The following AUTS2 variants were observed in gnomAD, a reference collection of about 807,000 sequenced individuals.
The protein encoded by AUTS2 is activator of transcription and developmental regulator AUTS2.
In AUTS2, 17 loss-of-function variants were observed where a neutral mutation model predicts 112.4. The observed-to-expected ratio is 0.15, with a 90% CI of 0.10 to 0.23. The LOEUF (loss-of-function observed/expected upper bound fraction) is 0.23, where lower values mean the gene tolerates loss of function less well. Among genes scored for constraint, AUTS2 ranks in the 10% least tolerant of loss-of-function variants. AUTS2 has a pLI of 1.00. For synonymous variants in AUTS2, 751 were observed against 702.7 expected, an observed-to-expected ratio of 1.07 and a Z score of -1.09; for missense variants, 1,510 against 1,701.6, an observed-to-expected ratio of 0.89 and a Z score of 1.98.
chr7:69,735,734 C>G (rs558571012), intron 1 of AUTS2, among the ~76,000 whole-genome samples: 26 of 152,276 alleles, frequency 1.7e-4, no homozygotes, highest in Admixed American at 1.4e-3. Context: ...CGCACAGCCC[C>G]CTGACAAGGA....
chr7:70,324,428 C>G (rs1167858251), intron 4 of AUTS2, among the ~76,000 whole-genome samples: 2 of 152,034 alleles, frequency 1.3e-5, no homozygotes, highest in African/African-American at 4.8e-5. Flanking sequence ...TCAAGACCAG[C>G]CTGGGCAACA....
chr7:69,931,143 ACAC>A (rs1796212486), intron 2 of AUTS2, among the ~76,000 whole-genome samples: 2 of 133,128 alleles, frequency 1.5e-5, no homozygotes, highest in South Asian at 4.8e-4. Context: ...ACACACACAC[ACAC>A]ACTACTTTTT....
rs1226671774 is a variant in AUTS2 at position 69,774,105 on chromosome 7, A to C, written c.310-125181A>C. On this transcript the variant is annotated intron_variant, in intron 1 of 18. Transcript: ENST00000342771. ...CCCCATGCTACATGTCAACAGGGGTACTGCCTGCTAAGCAAAGATGTCCAG... is the reference window on the plus strand; with the variant it reads ...CCCCATGCTACATGTCAACAGGGGTCCTGCCTGCTAAGCAAAGATGTCCAG... 2.0e-5 allele frequency among the ~76,000 whole-genome samples: 3 copies of C among 152,342 alleles called. No individual in the cohort carries two copies. The South Asian group carries it at 6.2e-4, about 32-fold the overall frequency.
intron 2 of AUTS2, among the ~76,000 whole-genome samples, chr7:70,001,552 T>G (rs893524444): frequency 2.6e-5 from 4 of 152,122 alleles, no homozygotes; most frequent in Non-Finnish European, 4.4e-5. Flanking sequence ...GTGACCTCTC[T>G]GTAAAGGAAA....
chr7:70,782,984 C>T (rs1791190423), intron 15 of AUTS2: 1 of 152,064 alleles, frequency 6.6e-6, no homozygotes, highest in Non-Finnish European at 1.5e-5. Context: ...TACCATGGCA[C>T]CTAGGCTCTG....
At chr7:70,509,595 G>T (rs1284535903) in intron 5 of AUTS2, among the ~76,000 whole-genome samples, 1 of 152,148 alleles carries the variant, frequency 6.6e-6, no homozygotes, top group Non-Finnish European at 1.5e-5. Flanking sequence ...CTGGCCCACG[G>T]TATAAGCCTA....
intron 4 of AUTS2, among the ~76,000 whole-genome samples, chr7:70,142,019 G>A (rs1318898701): frequency 6.6e-6 from 1 of 152,118 alleles, no homozygotes; most frequent in Non-Finnish European, 1.5e-5. Context: ...AAGATCAATT[G>A]GTGTTTCCAG....
At chr7:70,123,460 A>G (rs755041448) in intron 3 of AUTS2, among the ~76,000 whole-genome samples, 20 of 152,240 alleles carry the variant, frequency 1.3e-4, no homozygotes, top group Admixed American at 3.9e-4. Flanking sequence ...ATCACCCAGT[A>G]GTACCCAATA....
intron 4 of AUTS2, among the ~76,000 whole-genome samples, chr7:70,389,614 C>T (rs1194608667): frequency 3.3e-5 from 5 of 152,132 alleles, no homozygotes; most frequent in African/African-American, 1.2e-4. Flanking sequence ...GAACTCAGAA[C>T]CAAATCTGCC....
At chr7:69,939,743 A>G (rs545475904) in intron 2 of AUTS2, among the ~76,000 whole-genome samples, 3 of 152,210 alleles carry the variant, frequency 2.0e-5, no homozygotes, top group Non-Finnish European at 4.4e-5. Flanking sequence ...CTCTGGGTGC[A>G]TCCTCCTTAT....
At chr7:70,016,889 A>G (rs923294063) in intron 2 of AUTS2, among the ~76,000 whole-genome samples, 2 of 152,126 alleles carry the variant, frequency 1.3e-5, no homozygotes, top group Non-Finnish European at 2.9e-5. Flanking sequence ...GCTGGTCTCG[A>G]ACTCCTGACC....
At chr7:70,453,668 C>T (rs920151752) in intron 5 of AUTS2, among the ~76,000 whole-genome samples, 1 of 152,204 alleles carries the variant, frequency 6.6e-6, no homozygotes, top group Non-Finnish European at 1.5e-5. Flanking sequence ...CTGGTTGCCA[C>T]CAGCATTCCT....
intron 5 of AUTS2, among the ~76,000 whole-genome samples, chr7:70,605,286 A>G (rs973077712): frequency 6.6e-6 from 1 of 152,154 alleles, no homozygotes; most frequent in Non-Finnish European, 1.5e-5. Context: ...CTGGTTTTTG[A>G]CGTTGGCTAA....
chr7:70,183,281 G>A (rs2129581173), intron 4 of AUTS2, among the ~76,000 whole-genome samples: 1 of 152,296 alleles, frequency 6.6e-6, no homozygotes, highest in African/African-American at 2.4e-5. Flanking sequence ...TGGGATTGGA[G>A]GCTGGGCTTG....
intron 5 of AUTS2, among the ~76,000 whole-genome samples, chr7:70,572,385 A>C (rs1801980273): frequency 7.1e-6 from 1 of 140,394 alleles, no homozygotes; most frequent in South Asian, 2.5e-4. Context: ...TTGAAATGGC[A>C]GGAATCATAA....
chr7:69,856,026 G>A (rs1279989756), intron 1 of AUTS2, among the ~76,000 whole-genome samples: 1 of 152,162 alleles, frequency 6.6e-6, no homozygotes, highest in East Asian at 1.9e-4. Flanking sequence ...TCTTCTGAGT[G>A]GATGGAATAA....
intron 1 of AUTS2, among the ~76,000 whole-genome samples, chr7:69,835,297 A>G (rs1213439508): frequency 2.6e-5 from 4 of 152,148 alleles, no homozygotes; most frequent in Admixed American, 1.3e-4. Context: ...AACCCAGGAC[A>G]TAAGAGATAC....
chr7:70,211,521 C>A (rs1810892721), intron 4 of AUTS2, among the ~76,000 whole-genome samples: 1 of 151,008 alleles, frequency 6.6e-6, no homozygotes, highest in Non-Finnish European at 1.5e-5. Flanking sequence ...TGGTGGTGGG[C>A]GCCTGTAGTC....
At chr7:70,573,148 A>C (rs1802020610) in intron 5 of AUTS2, among the ~76,000 whole-genome samples, 1 of 152,220 alleles carries the variant, frequency 6.6e-6, no homozygotes. Flanking sequence ...CCTTAGGCCT[A>C]TTGATAGATT....
Sources: allele counts gnomAD v4.1 joint callset (sites outside exome capture counted in the v4.1 genomes callset), GRCh38; gene constraint gnomAD v4.1.1; transcripts MANE v1.5; gene names NCBI Gene and HGNC (gene_info 2026-07-23, HGNC 2026-07-21).